Variants in DENND10 observed in about 807,000 individuals in gnomAD.
DENND10 encodes DENN domain-containing protein 10.
In DENND10, 24 loss-of-function variants were observed where a neutral mutation model predicts 43.6. That is an observed-to-expected ratio of 0.55 (90% CI 0.40 to 0.77). The LOEUF is 0.77. Among genes scored for constraint, DENND10 ranks in the 30% least tolerant of loss-of-function variants. The pLI, the probability that DENND10 is intolerant of heterozygous loss-of-function variation, is 0.00. For synonymous variants in DENND10, 125 were observed against 157.6 expected (o/e 0.79, Z 1.55); for missense variants, 303 against 429.9 (o/e 0.70, Z 2.61).
In DENND10 at chr10:119,137,236, T is replaced by C. The variant is rs1470939123; in HGVS notation, c.*589T>C. On this transcript the variant is annotated 3_prime_UTR_variant, in exon 9 of 9. Coordinates refer to ENST00000361432, the MANE Select transcript of DENND10 (RefSeq NM_207009.4). ...TTGAACATTTTGCCTATGAGAGTTT[T>C]GCATATATTTTATACTTGAGTAGAC... 1.1e-4 allele frequency: 17 copies of C among 160,974 alleles called. No homozygotes were observed. The highest frequency in any genetic ancestry group is 4.3e-4 in the African/African-American group (17 of 39,582). The allele number at this position is 160,974 out of a possible 1,614,324, so 10.0% of individuals were successfully genotyped here.
Position 119,136,920 on chromosome 10 carries a change from G to A in DENND10, c.*273G>A. 3 of 337,914 alleles carry A rather than the reference G, an allele frequency of 8.9e-6. No homozygotes were observed. Among genetic ancestry groups the A allele is most frequent in the South Asian group, 6.9e-5 (1 of 14,470 alleles). The allele number at this position is 337,914 out of a possible 1,614,324, so 20.9% of individuals were successfully genotyped here. On this transcript the variant is annotated 3_prime_UTR_variant, in exon 9 of 9. Transcript: ENST00000361432. ...ATTACAGAACAGCTAGAGGTCCTGGGGTAAGAGAAAAAAAGCACATCACAA... is the reference window on the plus strand; with the variant it reads ...ATTACAGAACAGCTAGAGGTCCTGGAGTAAGAGAAAAAAAGCACATCACAA...
At chr10:119,126,097 C>T (rs1030246133) in intron 6 of DENND10, among the ~76,000 whole-genome samples, 1 of 152,138 alleles carries the variant, frequency 6.6e-6, no homozygotes, top group African/African-American at 2.4e-5. Flanking sequence ...AACATGATGC[C>T]TCCAGTTCCA....
chr10:119,108,097 G>C lies in DENND10; in HGVS notation c.185G>C (p.Gly62Ala). The change falls in exon 2 of 9, where the codon GGT (glycine) becomes GCT (alanine). Residue 62 changes from glycine to alanine, a missense_variant. By Grantham distance (60) the Gly-to-Ala change is moderately conservative. Transcript: ENST00000361432. ...AAACTTCTCCATCCCTTTGTCTTTG[G>C]TCAGTACAGAAGAACATGGTTTTAT... is the stretch of plus-strand genomic sequence containing the variant. Reference protein sequence around the residue: ...ENKLLHPFVFGQYRRTWFYIT... With the variant: ...ENKLLHPFVFAQYRRTWFYIT... The C allele has an allele frequency of 6.2e-7, 1 of 1,613,980 alleles. No homozygotes were observed. Among genetic ancestry groups the C allele is most frequent in the Non-Finnish European group, 8.5e-7 (1 of 1,179,876 alleles).
At chr10:119,125,501 C>CTTTTTT (rs34630434) in intron 6 of DENND10, among the ~76,000 whole-genome samples, 465 of 65,850 alleles carry the variant, frequency 7.1e-3, no homozygotes, top group Middle Eastern at 0.023. Flanking sequence ...TTCTAGTTTT[C>CTTTTTT]TTTTTTTTTT....
At chr10:119,115,964 G>A (rs1416308531) in intron 3 of DENND10, among the ~76,000 whole-genome samples, 2 of 151,716 alleles carry the variant, frequency 1.3e-5, no homozygotes, top group African/African-American at 4.8e-5. Flanking sequence ...GCGTTTCACC[G>A]TGTTGCCCGG....
intron 3 of DENND10, among the ~76,000 whole-genome samples, chr10:119,115,637 C>T (rs903514798): frequency 6.6e-6 from 1 of 150,668 alleles, no homozygotes; most frequent in African/African-American, 2.4e-5. Flanking sequence ...GATCCGCCCG[C>T]CTCGGCCTCC....
At chr10:119,135,815 A>AAAAAAAAAAAC (rs1564804559) in intron 8 of DENND10, among the ~76,000 whole-genome samples, 5 of 137,918 alleles carry the variant, frequency 3.6e-5, no homozygotes, top group Non-Finnish European at 6.5e-5. Flanking sequence ...AAAAAAAAAA[A>AAAAAAAAAAAC]ACCAAAACCA....
chr10:119,115,439 G>C (rs1489187378), intron 3 of DENND10, among the ~76,000 whole-genome samples: 2 of 95,834 alleles, frequency 2.1e-5, no homozygotes, highest in African/African-American at 7.3e-5. Context: ...CCAGGCTGGA[G>C]TGCAGTGGCG....
chr10:119,105,741 C>G (rs1844663724), intron 1 of DENND10: 1 of 158,696 alleles, frequency 6.3e-6, no homozygotes, highest in Non-Finnish European at 1.4e-5. Flanking sequence ...ACCCTCGTGT[C>G]TCTACAAAAA....
chr10:119,121,351 G>A (rs747620888), intron 5 of DENND10, among the ~76,000 whole-genome samples: 5 of 150,714 alleles, frequency 3.3e-5, no homozygotes, highest in Non-Finnish European at 7.4e-5. Flanking sequence ...TCACTATGTT[G>A]GCCAGGCTGG....
At chr10:119,115,418 C>T (rs1217638740) in intron 3 of DENND10, among the ~76,000 whole-genome samples, 4 of 40,606 alleles carry the variant, frequency 9.9e-5, no homozygotes, top group Non-Finnish European at 1.2e-4. Flanking sequence ...GACGGAGTCT[C>T]GCTCTGTCGC....
At chr10:119,126,035 G>A (rs1328176982) in intron 6 of DENND10, among the ~76,000 whole-genome samples, 1 of 151,930 alleles carries the variant, frequency 6.6e-6, no homozygotes, top group Non-Finnish European at 1.5e-5. Flanking sequence ...AGCTCCCCCA[G>A]ATTAGTGAGA....
chr10:119,106,199 A>T (rs950132326), intron 1 of DENND10, among the ~76,000 whole-genome samples: 7 of 152,174 alleles, frequency 4.6e-5, no homozygotes, highest in Non-Finnish European at 8.8e-5. Context: ...CTGCAGCCCA[A>T]GTGACAGAGT....
At chr10:119,104,295 C>T (rs1844573271) in intron 1 of DENND10, 98 bp downstream of exon 1, 4 of 1,205,822 alleles carry the variant, frequency 3.3e-6, no homozygotes, top group Non-Finnish European at 4.5e-6. Flanking sequence ...CCCCCGGCGC[C>T]GACCGCATGA....
At chr10:119,136,095 T>C (rs1201218928) in intron 8 of DENND10, among the ~76,000 whole-genome samples, 4 of 152,168 alleles carry the variant, frequency 2.6e-5, no homozygotes, top group Non-Finnish European at 5.9e-5. Context: ...GGTAGATCAC[T>C]TGAGCCTGGG....
At chr10:119,120,306 T>C (rs1234520902) in intron 4 of DENND10, 35 bp from the exon 5 acceptor site, 1 of 1,248,832 alleles carries the variant, frequency 8.0e-7, no homozygotes, top group African/African-American at 1.5e-5. Flanking sequence ...GCATGATGTG[T>C]AATGCAGTAA....
chr10:119,129,619 A>C lies in DENND10; in HGVS notation c.799A>C (p.Lys267Gln). Residue 267 changes from lysine to glutamine, a missense_variant, in exon 7 of 9, where the codon AAA becomes CAA. Coordinates refer to ENST00000361432, the MANE Select transcript of DENND10 (RefSeq NM_207009.4). Reference protein sequence around the residue: ...ESEITIAPLAKEAMAMGKLHK... With the variant: ...ESEITIAPLAQEAMAMGKLHK... ...TGAGATTACCATTGCTCCCCTTGCAAAAGGTTTGTTCTCTGTTCTGTTCTT... is the reference window on the plus strand; with the variant it reads ...TGAGATTACCATTGCTCCCCTTGCACAAGGTTTGTTCTCTGTTCTGTTCTT... The C allele has an allele frequency of 6.2e-7, 1 of 1,603,320 alleles. No individual in the cohort carries two copies. The highest frequency in any genetic ancestry group is 8.5e-7 in the Non-Finnish European group (1 of 1,170,196).
chr10:119,121,518 G>A (rs1845576931), intron 5 of DENND10, among the ~76,000 whole-genome samples: 1 of 148,410 alleles, frequency 6.7e-6, no homozygotes, highest in Non-Finnish European at 1.5e-5. Context: ...ACAGTGGCGC[G>A]ATCTTGGCTC....
intron 6 of DENND10, among the ~76,000 whole-genome samples, chr10:119,126,467 A>G (rs1455917301): frequency 7.4e-6 from 1 of 134,854 alleles, no homozygotes; most frequent in East Asian, 2.2e-4. Context: ...ATCGTTTGTT[A>G]TTGCCTGTCT....
Sources: gnomAD v4.1 joint callset for allele counts (sites outside exome capture counted in the v4.1 genomes callset) on GRCh38, gnomAD v4.1.1 for gene constraint, MANE v1.5 for transcripts, NCBI Gene and HGNC (gene_info 2026-07-23, HGNC 2026-07-21) for gene names.